Variants in PPA2 observed in about 807,000 individuals in gnomAD.
The protein encoded by PPA2 is inorganic pyrophosphatase 2, also known as inorganic pyrophosphatase 2, mitochondrial.
A neutral mutation model predicts 49.5 loss-of-function variants in PPA2; 48 were observed. The observed-to-expected ratio is 0.97, with a 90% CI of 0.77 to 1.23. The LOEUF is 1.23. Among genes scored for constraint, PPA2 ranks in the 50% most tolerant of loss-of-function variants. The pLI is 0.00. For missense variants in PPA2, 429 were observed against 410.1 expected, an observed-to-expected ratio of 1.05 and a Z score of -0.40; for synonymous variants, 131 against 139.9, an observed-to-expected ratio of 0.94 and a Z score of 0.45.
intron 3 of PPA2, among the ~76,000 whole-genome samples, chr4:105,450,834 C>T (rs929348463): frequency 6.6e-6 from 1 of 152,044 alleles, no homozygotes; most frequent in Non-Finnish European, 1.5e-5. Flanking sequence ...GTCTCGATCT[C>T]CTGACCTCGT....
In PPA2 at chr4:105,473,991, C is replaced by G; in HGVS notation, c.60G>C (p.Leu20Phe). ...TGAPAAACLRLGTSAGTGSRR... is the reference protein window; with the variant it reads ...TGAPAAACLRFGTSAGTGSRR... ...GCGACCCGGTCCCTGCACTGGTCCC[C>G]AACCGCAGGCACGCAGCGGCTGGGG... is the stretch of plus-strand genomic sequence containing the variant. The change falls in exon 1 of 12, where the codon TTG becomes TTC. Residue 20 changes from leucine (L) to phenylalanine (F), a missense_variant. Coordinates refer to ENST00000341695, the MANE Select transcript of PPA2 (RefSeq NM_176869.3). 4 of 1,608,274 alleles carry G rather than the reference C, an allele frequency of 2.5e-6. No homozygotes were observed. The highest frequency in any genetic ancestry group is 2.5e-6 in the Non-Finnish European group (3 of 1,177,732).
At chr4:105,372,484 G>A (rs1014843099) in intron 10 of PPA2, among the ~76,000 whole-genome samples, 1 of 152,192 alleles carries the variant, frequency 6.6e-6, no homozygotes, top group Non-Finnish European at 1.5e-5. Context: ...CTTGGAGGGT[G>A]TTTTTAGATG....
intron 7 of PPA2, among the ~76,000 whole-genome samples, chr4:105,419,281 A>G (rs1723147266): frequency 1.3e-5 from 2 of 152,126 alleles, no homozygotes; most frequent in East Asian, 3.9e-4. Context: ...AACGTTAGGT[A>G]TATCTCCTAA....
At chr4:105,471,534 A>C (rs1723522741) in intron 1 of PPA2, among the ~76,000 whole-genome samples, 1 of 152,360 alleles carries the variant, frequency 6.6e-6, no homozygotes, top group African/African-American at 2.4e-5. Flanking sequence ...AGTAACACTG[A>C]GTAACAATTT....
At chr4:105,461,469 G>A (rs958373893) in intron 1 of PPA2, among the ~76,000 whole-genome samples, 4 of 152,172 alleles carry the variant, frequency 2.6e-5, no homozygotes, top group Admixed American at 6.5e-5. Flanking sequence ...TCAGACTTTC[G>A]GTTGGTATCA....
At chr4:105,389,447 A>T (rs1483190814) in intron 9 of PPA2, among the ~76,000 whole-genome samples, 1 of 88,592 alleles carries the variant, frequency 1.1e-5, no homozygotes, top group Non-Finnish European at 2.4e-5. Context: ...AACGAAACTT[A>T]AAAAAAAAAA....
chr4:105,460,364 G>T lies in PPA2; in HGVS notation c.158-3619C>A, dbSNP rs576866218. Reference sequence around the variant, plus strand: ...CATAAGGGAAAAAAAAATAGGAGGAGTGCATAGGTCATATGTAAATACTAC... The same window carrying T: ...CATAAGGGAAAAAAAAATAGGAGGATTGCATAGGTCATATGTAAATACTAC... On this transcript the variant is annotated intron_variant, in intron 1 of 11. Transcript: ENST00000341695. Among the ~76,000 whole-genome samples the T allele has an allele frequency of 2.7e-5, 4 of 149,898 alleles. No individual in the cohort carries two copies. In the East Asian group the frequency reaches 7.7e-4, roughly 29 times the overall value.
At chr4:105,410,274 C>T (rs1257939925) in intron 7 of PPA2, among the ~76,000 whole-genome samples, 1 of 152,150 alleles carries the variant, frequency 6.6e-6, no homozygotes, top group East Asian at 1.9e-4. Context: ...CATGCAAAAG[C>T]TTCAACAGCT....
chr4:105,454,323 T>C (rs1722792439), intron 2 of PPA2, among the ~76,000 whole-genome samples: 1 of 151,800 alleles, frequency 6.6e-6, no homozygotes, highest in South Asian at 2.1e-4. Flanking sequence ...GTTGTTGTTG[T>C]TGTTGTTGTT....
chr4:105,405,278 CAT>C (rs1722410480), intron 7 of PPA2: 1 of 722,812 alleles, frequency 1.4e-6, no homozygotes, highest in Non-Finnish European at 1.7e-6. Flanking sequence ...TCTAGGTATA[CAT>C]ATATACACAT....
chr4:105,449,011 G>C (rs927830125), intron 4 of PPA2, among the ~76,000 whole-genome samples: 1 of 126,416 alleles, frequency 7.9e-6, no homozygotes, highest in South Asian at 2.2e-4. Context: ...GAGGTCAGGA[G>C]ATCGAGACCA....
At chr4:105,473,826 T>A in intron 1 of PPA2, 68 bp downstream of exon 1, 1 of 1,542,038 alleles carries the variant, frequency 6.5e-7, no homozygotes, top group Non-Finnish European at 8.8e-7. Flanking sequence ...GTCCCAAGTG[T>A]CCCCCATTCC....
At chr4:105,456,137 C>T (rs1156427334) in intron 2 of PPA2, 1 of 403,982 alleles carries the variant, frequency 2.5e-6, no homozygotes, top group Non-Finnish European at 4.8e-6. Flanking sequence ...GCTATTCAAA[C>T]ACCACCATTT....
chr4:105,416,474 T>C (rs1383721585), intron 7 of PPA2, among the ~76,000 whole-genome samples: 1 of 152,190 alleles, frequency 6.6e-6, no homozygotes, highest in Non-Finnish European at 1.5e-5. Flanking sequence ...GTGATGTTGA[T>C]TCATTTGCAC....
intron 6 of PPA2, among the ~76,000 whole-genome samples, chr4:105,432,873 G>A (rs562748078): frequency 6.6e-6 from 1 of 152,224 alleles, no homozygotes; most frequent in African/African-American, 2.4e-5. Flanking sequence ...AAGATACCTG[G>A]GATTCAATCC....
At chr4:105,427,058 G>C (rs913663304) in intron 6 of PPA2, among the ~76,000 whole-genome samples, 3 of 152,124 alleles carry the variant, frequency 2.0e-5, no homozygotes, top group African/African-American at 7.2e-5. Flanking sequence ...AGGCAAACAG[G>C]GTCTGGAGTG....
At chr4:105,381,795 T>TAAAAGAAAG (rs756330128) in intron 10 of PPA2, among the ~76,000 whole-genome samples, 43 of 152,204 alleles carry the variant, frequency 2.8e-4, no homozygotes, top group Middle Eastern at 3.4e-3. Context: ...TAATTAGTCT[T>TAAAAGAAAG]AAAAGAAAGA....
At chr4:105,402,172 T>C (rs1420380925) in intron 7 of PPA2, among the ~76,000 whole-genome samples, 1 of 151,962 alleles carries the variant, frequency 6.6e-6, no homozygotes, top group Non-Finnish European at 1.5e-5. Flanking sequence ...CTTGGGAAGC[T>C]GAGGTGGGAG....
intron 2 of PPA2, among the ~76,000 whole-genome samples, chr4:105,455,621 A>C (rs1288828098): frequency 6.6e-6 from 1 of 152,216 alleles, no homozygotes; most frequent in Non-Finnish European, 1.5e-5. Context: ...TAAGTACCAC[A>C]AGCACTTGAT....
Sources: gnomAD v4.1 joint callset for allele counts (sites outside exome capture counted in the v4.1 genomes callset) on GRCh38, gnomAD v4.1.1 for gene constraint, MANE v1.5 for transcripts, NCBI Gene and HGNC (gene_info 2026-07-23, HGNC 2026-07-21) for gene names.